Variants in RPUSD3 observed in about 807,000 individuals in gnomAD.
RPUSD3 encodes the protein RNA pseudouridine synthase D3, also known as mitochondrial mRNA pseudouridine synthase RPUSD3.
Under a neutral mutation model 35.1 loss-of-function variants are expected in RPUSD3, and 36 were observed. The observed-to-expected ratio is 1.02, with a 90% CI of 0.79 to 1.35. The LOEUF is 1.35. Ranked by LOEUF, RPUSD3 falls within the 40% of genes most tolerant of loss-of-function variation. The probability of loss-of-function intolerance (pLI) is 0.00; values close to 1 mark genes in which losing one functional copy is unlikely to be tolerated. For synonymous variants in RPUSD3, 202 were observed against 187.8 expected, an observed-to-expected ratio of 1.08 and a Z score of -0.62; for missense variants, 486 against 441.9, an observed-to-expected ratio of 1.10 and a Z score of -0.89.
chr3:9,842,070 T>A, exon 4 of RPUSD3: 3 of 1,610,072 alleles, frequency 1.9e-6, no homozygotes, highest in Non-Finnish European at 2.5e-6. Context: ...CAACGTCAGC[T>A]CTCCTGGTTT....
chr3:9,842,271 C>G, intron 2 of RPUSD3, 28 bp from the exon 3 acceptor site: 1 of 1,613,304 alleles, frequency 6.2e-7, no homozygotes, highest in South Asian at 1.1e-5. Context: ...CGAACATCAG[C>G]AAAAGCAACG....
exon 8 of RPUSD3, chr3:9,839,039 T>G: frequency 1.2e-6 from 2 of 1,614,160 alleles, no homozygotes; most frequent in Non-Finnish European, 1.7e-6. Flanking sequence ...TACCTGTCTT[T>G]GGGGCTTGTT....
chr3:9,843,968 C>T lies in RPUSD3; in HGVS notation c.47G>A (p.Gly16Asp), dbSNP rs532568342. The stretch of plus-strand genomic sequence containing the variant: ...CCGCCGCCAGCCACTCCAGAACCGG[C>T]CCAAAACACGGCGGCCGTCCATCTC... Residue 16 changes from glycine to aspartate, a missense_variant, in exon 1 of 9, where the codon GGC (glycine) becomes GAC (aspartate). Coordinates refer to ENST00000383820, the Ensembl canonical transcript of RPUSD3. 6.3e-5 allele frequency: 101 copies of T among 1,607,752 alleles called. No individual in the cohort carries two copies. In the East Asian group the frequency reaches 1.6e-3, roughly 26 times the overall value.
intron 8 of RPUSD3, 120 bp downstream of exon 8, chr3:9,838,912 G>T: frequency 1.4e-6 from 2 of 1,390,984 alleles, no homozygotes; most frequent in Non-Finnish European, 9.9e-7. Context: ...ATACAGCCTT[G>T]GGAGCCAAAA....
chr3:9,843,889 C>T lies in RPUSD3; in HGVS notation c.125+1G>A. On this transcript the variant is annotated splice_donor_variant, in intron 1 of 8. Coordinates refer to ENST00000383820, the Ensembl canonical transcript of RPUSD3. LOFTEE classifies it high-confidence loss of function. ...GCATGAGAGAGGGGGTACTTAATCA[C>T]CGGGCTTCGGTGCCAAAGCCTGCGT... The T allele has an allele frequency of 6.2e-7, 1 of 1,602,800 alleles. No individual in the cohort carries two copies. The highest frequency in any genetic ancestry group is 8.5e-7 in the Non-Finnish European group (1 of 1,175,284).
exon 4 of RPUSD3, chr3:9,842,022 A>T: frequency 6.2e-7 from 1 of 1,613,914 alleles, no homozygotes; most frequent in South Asian, 1.1e-5. Context: ...CTGCTCCCTG[A>T]GCCCTAGGGA....
Position 9,839,175 on chromosome 3 carries a change from G to T in RPUSD3, c.725-4C>A. On this transcript the variant is annotated splice_region_variant and splice_polypyrimidine_tract_variant and intron_variant, in intron 7 of 8. Coordinates refer to ENST00000383820, the Ensembl canonical transcript of RPUSD3. Reference sequence around the variant, plus strand: ...ACCTGTAGTTGACTGGAGAACACTGGGCAACAGGAAAGCCAGGAGAGACAG... The same window carrying T: ...ACCTGTAGTTGACTGGAGAACACTGTGCAACAGGAAAGCCAGGAGAGACAG... 6.2e-7 allele frequency: 1 copy of T among 1,604,222 alleles called. No individual in the cohort carries two copies. Among genetic ancestry groups the T allele is most frequent in the Non-Finnish European group, 8.5e-7 (1 of 1,172,036 alleles).
chr3:9,840,629 C>T lies in RPUSD3; in HGVS notation c.516-13G>A. The stretch of plus-strand genomic sequence containing the variant: ...ATCAGTGACAGCACTGAGAAAGGGG[C>T]AGGAGGAGGTCACAGGGTGGCTTGC... On this transcript the variant is annotated splice_polypyrimidine_tract_variant and intron_variant, in intron 5 of 8. Coordinates refer to ENST00000383820, the Ensembl canonical transcript of RPUSD3. 1.2e-6 allele frequency: 2 copies of T among 1,613,022 alleles called. No individual in the cohort carries two copies. The highest frequency in any genetic ancestry group is 1.7e-6 in the Non-Finnish European group (2 of 1,179,378).
At chr3:9,837,884 G>A in exon 9 of RPUSD3, 5 of 921,466 alleles carry the variant, frequency 5.4e-6, no homozygotes, top group Non-Finnish European at 7.9e-6. Flanking sequence ...AGTCCAGAGA[G>A]GTAAAGTTAC....
At chr3:9,841,906 G>T in intron 4 of RPUSD3, 77 bp downstream of exon 4, 1 of 1,203,120 alleles carries the variant, frequency 8.3e-7, no homozygotes, top group Non-Finnish European at 1.2e-6. Flanking sequence ...AAATGTCTCA[G>T]CTTATCCCCA....
At chr3:9,837,926 T>G in exon 9 of RPUSD3, 1 of 1,380,962 alleles carries the variant, frequency 7.2e-7, no homozygotes, top group Non-Finnish European at 9.7e-7. Flanking sequence ...GCAAGTGGCC[T>G]GTCCAGGATG....
At chr3:9,838,239 CCA>C in intron 8 of RPUSD3, 32 bp from the exon 9 acceptor site, 1 of 1,606,690 alleles carries the variant, frequency 6.2e-7, no homozygotes, top group Non-Finnish European at 8.5e-7. Flanking sequence ...GTGTTCAGCC[CCA>C]CATTTTCCAA....
rs956022324 is a variant in RPUSD3, at chr3:9,843,337, T to C, written c.262+128A>G. 33 of 1,384,986 alleles carry C rather than the reference T, an allele frequency of 2.4e-5. No homozygotes were observed. In the African/African-American group the frequency reaches 4.3e-4, roughly 18 times the overall value. The allele number at this position is 1,384,986 out of a possible 1,614,324, so 85.8% of individuals were successfully genotyped here. On this transcript the variant is annotated intron_variant, in intron 2 of 8. Coordinates refer to ENST00000383820, the Ensembl canonical transcript of RPUSD3. ...GGGGAGAGGGTGCAAATTAGGTGGC[T>C]TGTCCCAGCTCATGCTGCTAGTGGG... is the stretch of plus-strand genomic sequence containing the variant.
chr3:9,839,108 A>C, exon 8 of RPUSD3: 1 of 1,614,206 alleles, frequency 6.2e-7, no homozygotes, highest in South Asian at 1.1e-5. Context: ...GGCAGAGTAC[A>C]TGTGGTCCCC....
chr3:9,843,671 C>A, intron 1 of RPUSD3, 70 bp from the exon 2 acceptor site: 1 of 1,577,728 alleles, frequency 6.3e-7, no homozygotes, highest in South Asian at 1.1e-5. Context: ...TCTCCGGACG[C>A]CTCTTCCCAA....
intron 1 of RPUSD3, 64 bp from the exon 2 acceptor site, chr3:9,843,665 C>T: frequency 6.3e-7 from 1 of 1,583,598 alleles, no homozygotes; most frequent in South Asian, 1.1e-5. Context: ...TTCCTATCTC[C>T]GGACGCCTCT....
chr3:9,841,127 G>A (rs1037905507), intron 4 of RPUSD3: 1 of 199,354 alleles, frequency 5.0e-6, no homozygotes, highest in African/African-American at 2.4e-5. Context: ...TCATGAGTTT[G>A]TGGAACTGCA....
At position 9,838,999 on chromosome 3, in the gene RPUSD3, C is replaced by T. The variant is rs187896615; in HGVS notation, c.864+33G>A. ...CCCATGCTCACCTCTCCCTCCACCC[C>T]TCAGAAAGCAGCAGGCAGGTGGGCT... On this transcript the variant is annotated intron_variant, in intron 8 of 8. Coordinates refer to ENST00000383820, the Ensembl canonical transcript of RPUSD3. 66 of 1,613,862 alleles carry T rather than the reference C, an allele frequency of 4.1e-5. No individual in the cohort carries two copies. The East Asian group carries it at 1.1e-3, about 26-fold the overall frequency.
At chr3:9,843,710 AAT>A in intron 1 of RPUSD3, 109 bp from the exon 2 acceptor site, 2 of 1,548,704 alleles carry the variant, frequency 1.3e-6, no homozygotes, top group Non-Finnish European at 1.7e-6. Flanking sequence ...AATGCCTCAC[AAT>A]GTCTGGGCTG....
Sources: allele counts gnomAD v4.1 joint callset, GRCh38; gene constraint gnomAD v4.1.1; transcripts MANE v1.5; gene names NCBI Gene and HGNC (gene_info 2026-07-23, HGNC 2026-07-21).